ENTREP2: variants seen among roughly 807,000 people sequenced by gnomAD.
ENTREP2 encodes endosomal transmembrane epsin interactor 2, also known as protein ENTREP2.
chr15:29,196,619 G>C, the ENTREP2 span: 2 of 1,523,170 alleles, frequency 1.3e-6, no homozygotes, highest in Non-Finnish European at 1.8e-6. Context: ...GACCCCCGAG[G>C]GTACGCGTGA....
the ENTREP2 span, among the ~76,000 whole-genome samples, chr15:29,365,411 C>T: frequency 6.6e-5 from 10 of 151,946 alleles, no homozygotes; most frequent in South Asian, 1.0e-3. Context: ...CGCCACCATG[C>T]CCAGCTAATT....
chr15:29,247,483 T>C, the ENTREP2 span, among the ~76,000 whole-genome samples: 10 of 152,136 alleles, frequency 6.6e-5, no homozygotes, highest in Non-Finnish European at 1.0e-4. Flanking sequence ...TGTATAAAAA[T>C]AGATTATAAA....
chr15:29,203,270 C>T, the ENTREP2 span, among the ~76,000 whole-genome samples: 1 of 152,144 alleles, frequency 6.6e-6, no homozygotes, highest in Non-Finnish European at 1.5e-5. Context: ...GGCGTTTTGG[C>T]AGGTGCCTGC....
the ENTREP2 span, among the ~76,000 whole-genome samples, chr15:29,422,868 A>T: frequency 1.3e-5 from 2 of 152,150 alleles, no homozygotes; most frequent in Non-Finnish European, 2.9e-5. Context: ...AAGTATGGAG[A>T]GAGTTTGGGA....
the ENTREP2 span, among the ~76,000 whole-genome samples, chr15:29,411,234 C>T: frequency 0.028 from 4,250 of 152,254 alleles, 72 homozygotes; most frequent in Non-Finnish European, 0.04. Context: ...CTGCAGGTCA[C>T]GGTATGTGTG....
the ENTREP2 span, among the ~76,000 whole-genome samples, chr15:29,580,065 C>T: frequency 6.6e-6 from 1 of 151,962 alleles, no homozygotes; most frequent in Non-Finnish European, 1.5e-5. Flanking sequence ...AGGCTGGTCT[C>T]TAAACTCCTG....
At chr15:29,134,732 C>T in the ENTREP2 span, among the ~76,000 whole-genome samples, 6 of 152,186 alleles carry the variant, frequency 3.9e-5, no homozygotes, top group African/African-American at 1.4e-4. Flanking sequence ...AACTGCTCCT[C>T]CACCCACAGA....
At chr15:29,304,276 A>G in the ENTREP2 span, among the ~76,000 whole-genome samples, 2 of 152,136 alleles carry the variant, frequency 1.3e-5, no homozygotes, top group Non-Finnish European at 2.9e-5. Context: ...TGAACTTGAC[A>G]CCTGACCAAA....
chr15:29,663,724 G>C, the ENTREP2 span, among the ~76,000 whole-genome samples: 1 of 152,108 alleles, frequency 6.6e-6, no homozygotes, highest in African/African-American at 2.4e-5. Context: ...GGGGGAGGGG[G>C]AGGGGGGAGA....
chr15:29,338,532 G>T, the ENTREP2 span, among the ~76,000 whole-genome samples: 1 of 152,068 alleles, frequency 6.6e-6, no homozygotes, highest in African/African-American at 2.4e-5. Flanking sequence ...TGAACAAAGA[G>T]CACGGATGCA....
the ENTREP2 span, among the ~76,000 whole-genome samples, chr15:29,471,161 G>A: frequency 2.6e-5 from 4 of 152,168 alleles, no homozygotes; most frequent in Non-Finnish European, 5.9e-5. Context: ...AAGTGGAGAG[G>A]GTTGTAATGC....
the ENTREP2 span, among the ~76,000 whole-genome samples, chr15:29,469,348 C>T: frequency 2.6e-5 from 4 of 152,124 alleles, no homozygotes; most frequent in African/African-American, 7.2e-5. Context: ...TACAGGCGCA[C>T]GCCACCACGC....
chr15:29,211,593 G>A, the ENTREP2 span, among the ~76,000 whole-genome samples: 8 of 152,088 alleles, frequency 5.3e-5, no homozygotes, highest in South Asian at 2.1e-4. Flanking sequence ...TTCCCCATTC[G>A]GTATTATATT....
At chr15:29,244,912 G>C in the ENTREP2 span, among the ~76,000 whole-genome samples, 1 of 152,186 alleles carries the variant, frequency 6.6e-6, no homozygotes, top group Non-Finnish European at 1.5e-5. Flanking sequence ...AAATTCAGGA[G>C]CAAGAGGTGG....
the ENTREP2 span, among the ~76,000 whole-genome samples, chr15:29,410,217 T>G: frequency 6.6e-6 from 1 of 152,188 alleles, no homozygotes; most frequent in African/African-American, 2.4e-5. Context: ...TCCTTTCCTT[T>G]CTCTCTGAAA....
At chr15:29,606,881 G>A in the ENTREP2 span, among the ~76,000 whole-genome samples, 1 of 151,950 alleles carries the variant, frequency 6.6e-6, no homozygotes, top group African/African-American at 2.4e-5. Flanking sequence ...CCAGGCTGGA[G>A]TGAGTACAGT....
chr15:29,597,086 CAAA>C, the ENTREP2 span, among the ~76,000 whole-genome samples: 2,858 of 143,882 alleles, frequency 0.02, 88 homozygotes, highest in African/African-American at 0.069. Context: ...ATCACTCATA[CAAA>C]AAAAAAAAAA....
the ENTREP2 span, chr15:29,196,336 G>T: frequency 7.1e-7 from 1 of 1,402,068 alleles, no homozygotes; most frequent in South Asian, 1.4e-5. Context: ...GGGAAGTTAA[G>T]AGCTGAAAGG....
At chr15:29,621,477 C>G in the ENTREP2 span, among the ~76,000 whole-genome samples, 1 of 124,548 alleles carries the variant, frequency 8.0e-6, no homozygotes, top group African/African-American at 3.2e-5. Context: ...GAGCCGAGAT[C>G]GTGCCACTGC....
Sources: gnomAD v4.1 joint callset for allele counts (sites outside exome capture counted in the v4.1 genomes callset) on GRCh38, gnomAD v4.1.1 for gene constraint, MANE v1.5 for transcripts, NCBI Gene and HGNC (gene_info 2026-07-23, HGNC 2026-07-21) for gene names.